SERGEF: variants seen among roughly 807,000 people sequenced by gnomAD.
SERGEF encodes the protein secretion regulating guanine nucleotide exchange factor, also known as secretion-regulating guanine nucleotide exchange factor.
Under a neutral mutation model 50.0 loss-of-function variants are expected in SERGEF, and 51 were observed. The ratio of observed to expected loss-of-function variants is 1.02; its 90% CI spans 0.81 to 1.29. SERGEF has a LOEUF of 1.29. Ranked by LOEUF, SERGEF falls within the 50% of genes most tolerant of loss-of-function variation. SERGEF has a pLI of 0.00. For missense variants in SERGEF, 521 were observed against 557.0 expected (o/e 0.94, Z 0.65); for synonymous variants, 205 against 212.4 (o/e 0.97, Z 0.30).
At chr11:17,994,284 T>A (rs1210252148) in intron 6 of SERGEF, among the ~76,000 whole-genome samples, 2 of 151,770 alleles carry the variant, frequency 1.3e-5, no homozygotes, top group Admixed American at 1.3e-4. Flanking sequence ...ACCATCCTGG[T>A]TAACACGGTG....
intron 9 of SERGEF, among the ~76,000 whole-genome samples, chr11:17,903,149 A>T (rs1036150714): frequency 1.3e-5 from 2 of 152,246 alleles, no homozygotes; most frequent in Non-Finnish European, 2.9e-5. Flanking sequence ...AGAAAGGACC[A>T]GAAGATTTCA....
At position 17,999,451 on chromosome 11, in the gene SERGEF, G is replaced by A. The variant is rs551153925; in HGVS notation, c.508+1046C>T. On this transcript the variant is annotated intron_variant, in intron 5 of 10. Transcript: ENST00000265965. ...TTTTTTGAAGTATAATCAATGCTAA[G>A]CCCAGGACTATCAGCACAGTCCTGC... 28 of 355,746 alleles carry A rather than the reference G, an allele frequency of 7.9e-5. No individual in the cohort carries two copies. The East Asian group carries it at 2.4e-3, about 30-fold the overall frequency. The allele number at this position is 355,746 out of a possible 1,614,324, so 22.0% of individuals were successfully genotyped here.
intron 5 of SERGEF, chr11:17,999,545 T>C: frequency 4.4e-6 from 2 of 456,042 alleles, no homozygotes; most frequent in Non-Finnish European, 4.4e-6. Flanking sequence ...CACCTGAGCC[T>C]CAGCTGCCAC....
chr11:17,992,411 A>G (rs1204173102), intron 7 of SERGEF, among the ~76,000 whole-genome samples: 1 of 152,214 alleles, frequency 6.6e-6, no homozygotes, highest in Non-Finnish European at 1.5e-5. Flanking sequence ...AGATTAGACA[A>G]CTAGAGAGTA....
intron 5 of SERGEF, among the ~76,000 whole-genome samples, chr11:17,997,767 C>T (rs1020644312): frequency 5.3e-5 from 8 of 152,072 alleles, no homozygotes; most frequent in Admixed American, 2.0e-4. Flanking sequence ...GTGAAATATA[C>T]GCCAGTCACA....
intron 10 of SERGEF, among the ~76,000 whole-genome samples, chr11:17,876,635 C>T (rs1245438047): frequency 6.6e-6 from 1 of 152,254 alleles, no homozygotes; most frequent in African/African-American, 2.4e-5. Flanking sequence ...AGAGTCTTTG[C>T]TCCTTCTACA....
At chr11:17,794,520 C>G (rs1207842448) in intron 10 of SERGEF, among the ~76,000 whole-genome samples, 1 of 152,206 alleles carries the variant, frequency 6.6e-6, no homozygotes. Flanking sequence ...GGACTAGAAT[C>G]CAGGACTCCC....
At chr11:17,800,923 C>T (rs1162478551) in intron 10 of SERGEF, among the ~76,000 whole-genome samples, 6 of 152,110 alleles carry the variant, frequency 3.9e-5, no homozygotes, top group Non-Finnish European at 7.3e-5. Flanking sequence ...AGGCCGGGCA[C>T]GGTGGCTCAC....
At chr11:17,900,353 A>AG (rs1365541363) in intron 9 of SERGEF, among the ~76,000 whole-genome samples, 1 of 152,254 alleles carries the variant, frequency 6.6e-6, no homozygotes, top group Non-Finnish European at 1.5e-5. Flanking sequence ...TATTGTACAA[A>AG]GTACCCTATA....
At chr11:17,830,361 G>A (rs1262409368) in intron 10 of SERGEF, among the ~76,000 whole-genome samples, 1 of 152,078 alleles carries the variant, frequency 6.6e-6, no homozygotes, top group African/African-American at 2.4e-5. Context: ...TCACTCACTT[G>A]GTGTCTTAGT....
intron 10 of SERGEF, among the ~76,000 whole-genome samples, chr11:17,842,725 G>C (rs1398179966): frequency 6.6e-6 from 1 of 152,176 alleles, no homozygotes; most frequent in Non-Finnish European, 1.5e-5. Context: ...CTCAGTAAAG[G>C]GTGGCTGTTA....
intron 10 of SERGEF, among the ~76,000 whole-genome samples, chr11:17,846,360 C>T (rs1163325437): frequency 6.6e-6 from 1 of 152,110 alleles, no homozygotes; most frequent in Non-Finnish European, 1.5e-5. Flanking sequence ...ACTCCAGGCC[C>T]AGGGAAATCA....
chr11:17,813,832 A>G (rs1178176300), intron 10 of SERGEF, among the ~76,000 whole-genome samples: 1 of 152,260 alleles, frequency 6.6e-6, no homozygotes, highest in Non-Finnish European at 1.5e-5. Context: ...TTATCTGTAT[A>G]TCTGTGCCTG....
intron 9 of SERGEF, among the ~76,000 whole-genome samples, chr11:17,949,729 G>A (rs1852738573): frequency 6.6e-6 from 1 of 152,132 alleles, no homozygotes; most frequent in South Asian, 2.1e-4. Flanking sequence ...CCCAAGGGCA[G>A]GGGAGGTAAA....
At chr11:17,956,139 A>G (rs1331673980) in intron 9 of SERGEF, among the ~76,000 whole-genome samples, 1 of 152,160 alleles carries the variant, frequency 6.6e-6, no homozygotes. Flanking sequence ...AGGACATTAA[A>G]GGAAGGCCTA....
intron 10 of SERGEF, among the ~76,000 whole-genome samples, chr11:17,802,018 A>T (rs1278745619): frequency 6.6e-6 from 1 of 152,246 alleles, no homozygotes; most frequent in Non-Finnish European, 1.5e-5. Flanking sequence ...ATTTCAGATC[A>T]TTATAACCAC....
intron 8 of SERGEF, among the ~76,000 whole-genome samples, chr11:17,979,886 T>G (rs1420825558): frequency 1.3e-5 from 2 of 152,210 alleles, no homozygotes; most frequent in Non-Finnish European, 2.9e-5. Flanking sequence ...AAGACTGATC[T>G]TCACCTGCAG....
At chr11:17,893,996 C>A (rs1851579705) in intron 9 of SERGEF, among the ~76,000 whole-genome samples, 2 of 152,160 alleles carry the variant, frequency 1.3e-5, no homozygotes, top group Non-Finnish European at 2.9e-5. Context: ...TCCCCTCTGA[C>A]CTCTCCCCCA....
At chr11:17,791,723 T>C (rs2133817847) in intron 10 of SERGEF, among the ~76,000 whole-genome samples, 1 of 152,362 alleles carries the variant, frequency 6.6e-6, no homozygotes, top group East Asian at 1.9e-4. Flanking sequence ...TATATCTCAG[T>C]TCTCTCATCT....
Sources: allele counts gnomAD v4.1 joint callset (sites outside exome capture counted in the v4.1 genomes callset), GRCh38; gene constraint gnomAD v4.1.1; transcripts MANE v1.5; gene names NCBI Gene and HGNC (gene_info 2026-07-23, HGNC 2026-07-21).